RAI1: variants seen among roughly 807,000 people sequenced by gnomAD.
The protein encoded by RAI1 is retinoic acid-induced protein 1.
Under a neutral mutation model 123.8 loss-of-function variants are expected in RAI1, and 9 were observed. That is an observed-to-expected ratio of 0.07 (90% CI 0.04 to 0.13). The LOEUF (loss-of-function observed/expected upper bound fraction) is 0.13, where lower values mean the gene tolerates loss of function less well. Among genes scored for constraint, RAI1 ranks in the 10% least tolerant of loss-of-function variants. RAI1 has a pLI of 1.00. For missense variants in RAI1, 2,256 were observed against 2,545.8 expected, an observed-to-expected ratio of 0.89 and a Z score of 2.45; for synonymous variants, 1,231 against 1,127.3, an observed-to-expected ratio of 1.09 and a Z score of -1.84.
At chr17:17,727,295 G>C (rs910666098) in intron 2 of RAI1, among the ~76,000 whole-genome samples, 1 of 152,226 alleles carries the variant, frequency 6.6e-6, no homozygotes, top group Non-Finnish European at 1.5e-5. Context: ...CCCAGAGAGG[G>C]GAAGCGAGTC....
At chr17:17,708,665 CT>C (rs1357184005) in intron 1 of RAI1, among the ~76,000 whole-genome samples, 2 of 152,112 alleles carry the variant, frequency 1.3e-5, no homozygotes, top group African/African-American at 4.8e-5. Context: ...CACATCCCTC[CT>C]TGTACACCTC....
rs1034335540 is a variant in RAI1, at chr17:17,801,545, C to T, written c.5566-2211C>T. Among the ~76,000 whole-genome samples the T allele has an allele frequency of 1.3e-5, 2 of 152,192 alleles. No individual in the cohort carries two copies. Among genetic ancestry groups the T allele is most frequent in the African/African-American group, 4.8e-5 (2 of 41,440 alleles). ...CCAAGGGCCACTCACAGACAGCAGCCGGCTTGTGTTTCGTCATCCCTTTTG... is the reference window on the plus strand; with the variant it reads ...CCAAGGGCCACTCACAGACAGCAGCTGGCTTGTGTTTCGTCATCCCTTTTG... On this transcript the variant is annotated intron_variant, in intron 3 of 5. Coordinates refer to ENST00000353383, the MANE Select transcript of RAI1 (RefSeq NM_030665.4). This position sits in a 1 kb window ranked among gnomAD's most constrained non-coding sequence, Gnocchi z 4.1.
In RAI1 at chr17:17,799,540, G is replaced by A. The variant is rs2032385990; in HGVS notation, c.5565+1027G>A. 6.6e-6 allele frequency among the ~76,000 whole-genome samples: 1 copy of A among 152,220 alleles called. No individual in the cohort carries two copies. The highest frequency in any genetic ancestry group is 2.1e-4 in the South Asian group (1 of 4,794). On this transcript the variant is annotated intron_variant, in intron 3 of 5. Coordinates refer to ENST00000353383, the MANE Select transcript of RAI1 (RefSeq NM_030665.4). The surrounding 1 kb of genome is among the most constrained non-coding windows in gnomAD (Gnocchi z 4.5). ...CAGACTTCCGTGGAGTGACGCTCCC[G>A]GCTCTCAGCGCTGTGTGGTGGCTCT...
chr17:17,752,432 C>T (rs573590503), intron 2 of RAI1, among the ~76,000 whole-genome samples: 4 of 152,012 alleles, frequency 2.6e-5, no homozygotes, highest in African/African-American at 9.6e-5. Flanking sequence ...CTGTGATTAA[C>T]AGGCGGGCGC....
chr17:17,691,225 T>C (rs9905513), intron 1 of RAI1, among the ~76,000 whole-genome samples: 11,227 of 151,788 alleles, frequency 0.074, 917 homozygotes, highest in African/African-American at 0.2. Context: ...GCTGGGGAGG[T>C]GCTGCTGGCA....
intron 2 of RAI1, among the ~76,000 whole-genome samples, chr17:17,789,363 C>T (rs1327653494): frequency 1.3e-5 from 2 of 152,248 alleles, no homozygotes; most frequent in Admixed American, 1.3e-4. Flanking sequence ...AGGTGTTCTG[C>T]AGCCGCCTTG....
chr17:17,697,361 C>T (rs555663852), intron 1 of RAI1, among the ~76,000 whole-genome samples: 6 of 152,342 alleles, frequency 3.9e-5, no homozygotes, highest in Non-Finnish European at 8.8e-5. Flanking sequence ...GCACGCCATG[C>T]CCTGCCTGGC....
At chr17:17,759,865 C>T (rs2030614434) in intron 2 of RAI1, among the ~76,000 whole-genome samples, 1 of 152,190 alleles carries the variant, frequency 6.6e-6, no homozygotes, top group East Asian at 1.9e-4. Context: ...ACAGAGCCCA[C>T]TAGGATGCTG....
Position 17,711,900 on chromosome 17 carries a change from C to T in RAI1, c.-148-12128C>T, listed in dbSNP as rs552121514. Among the ~76,000 whole-genome samples the T allele has an allele frequency of 2.0e-5, 3 of 152,302 alleles. No individual in the cohort carries two copies. In the East Asian group the frequency reaches 5.8e-4, roughly 29 times the overall value. On this transcript the variant is annotated intron_variant, in intron 1 of 5. Transcript: ENST00000353383. ...CGGGACCTGTGGGTGGGAATGTCCC[C>T]AGGCCCAGCCCTTTAGTGCCTGCTG...
rs755138257 is a variant in RAI1 at position 17,793,858 on chromosome 17, C to A, written c.910C>A (p.His304Asn). The change falls in exon 3 of 6, where the codon CAT (histidine) becomes AAT (asparagine). Residue 304 changes from histidine to asparagine, a missense_variant. By Grantham distance (68) the His-to-Asn change is moderately conservative (BLOSUM62 1). Transcript: ENST00000353383. ...CCGGCACCATGCCCAGGAAACCCTC[C>A]ATTACCAAAACCTCGCCAAGTATCA... The part of the protein sequence containing the change: ...QSRHHAQETL[H>N]YQNLAKYQHY... 1 of 1,613,520 alleles carries A rather than the reference C, an allele frequency of 6.2e-7. No homozygotes were observed. The highest frequency in any genetic ancestry group is 1.1e-5 in the South Asian group (1 of 91,086).
intron 1 of RAI1, among the ~76,000 whole-genome samples, chr17:17,712,710 G>A (rs1178291068): frequency 6.6e-6 from 1 of 152,210 alleles, no homozygotes; most frequent in Non-Finnish European, 1.5e-5. Context: ...TGAACAGGAA[G>A]GGGGTAGTCA....
intron 2 of RAI1, among the ~76,000 whole-genome samples, chr17:17,792,341 G>A (rs2032044585): frequency 6.6e-6 from 1 of 152,144 alleles, no homozygotes; most frequent in Non-Finnish European, 1.5e-5. Flanking sequence ...GCGCGCGTGT[G>A]TGTGTGAGCA....
chr17:17,702,831 AGTGAG>A (rs1221029604), intron 1 of RAI1, among the ~76,000 whole-genome samples: 1 of 152,214 alleles, frequency 6.6e-6, no homozygotes, highest in Non-Finnish European at 1.5e-5. Context: ...CGGGGTGAGG[AGTGAG>A]CTCAAAGTCA....
chr17:17,736,585 G>C (rs1916443803), intron 2 of RAI1, among the ~76,000 whole-genome samples: 1 of 152,104 alleles, frequency 6.6e-6, no homozygotes, highest in South Asian at 2.1e-4. Context: ...CTTCCAGATA[G>C]GAGCTGGAAC....
At chr17:17,734,291 T>A (rs142948879) in intron 2 of RAI1, among the ~76,000 whole-genome samples, 14 of 148,368 alleles carry the variant, frequency 9.4e-5, no homozygotes, top group Non-Finnish European at 2.0e-4. Flanking sequence ...TTTTTTTTTT[T>A]AATTTAGCCA....
At chr17:17,727,377 C>T (rs540713069) in intron 2 of RAI1, among the ~76,000 whole-genome samples, 5 of 152,338 alleles carry the variant, frequency 3.3e-5, no homozygotes, top group South Asian at 2.1e-4. Context: ...TGTTGGTTTT[C>T]GCATCTGAAA....
rs746903633 is a variant in RAI1, at chr17:17,794,507, G to T, written c.1559G>T (p.Gly520Val). 6.2e-7 allele frequency: 1 copy of T among 1,612,210 alleles called. No individual in the cohort carries two copies. The highest frequency in any genetic ancestry group is 8.5e-7 in the Non-Finnish European group (1 of 1,179,620). ...CCGCAGGAGGCCGACTACCTGAGCG[G>T]CTCCGAGGACCCACTGGAGCGCAGC... is the stretch of plus-strand genomic sequence containing the variant. Reference protein sequence around the residue: ...AEPQEADYLSGSEDPLERSFL... With the variant: ...AEPQEADYLSVSEDPLERSFL... The change falls in exon 3 of 6, where the codon GGC becomes GTC. Residue 520 changes from glycine (G) to valine (V), a missense_variant. Around this residue, in one of 7 missense-constraint regions of RAI1, gnomAD observed 357 missense variants for 480.2 expected, o/e 0.74. Transcript: ENST00000353383.
chr17:17,783,054 A>G (rs1339504434), intron 2 of RAI1, among the ~76,000 whole-genome samples: 1 of 123,028 alleles, frequency 8.1e-6, no homozygotes, highest in Non-Finnish European at 1.7e-5. Context: ...AGAATCAGGG[A>G]GATGAATGAT....
chr17:17,783,075 G>GGGGGCC (rs144240699), intron 2 of RAI1, among the ~76,000 whole-genome samples: 1 of 152,146 alleles, frequency 6.6e-6, no homozygotes, highest in African/African-American at 2.4e-5. Context: ...GGGGGCTGGT[G>GGGGGCC]GCAGCCCCCC....
Sources: gnomAD v4.1 joint callset for allele counts (sites outside exome capture counted in the v4.1 genomes callset) on GRCh38, gnomAD v4.1.1 for gene constraint, gnomAD v4.1.1 regional missense constraint, Gnocchi (gnomAD v3.1) non-coding constraint, MANE v1.5 for transcripts, NCBI Gene and HGNC (gene_info 2026-07-23, HGNC 2026-07-21) for gene names.